The following TCF7L2 variants were observed in gnomAD, a reference collection of about 807,000 sequenced individuals.
The protein encoded by TCF7L2 is transcription factor 7 like 2.
TCF7L2 carries 23 observed loss-of-function variants against 77.9 expected under a neutral mutation model. The observed-to-expected ratio is 0.30, with a 90% CI of 0.21 to 0.42. The LOEUF (loss-of-function observed/expected upper bound fraction) is 0.42, where lower values mean the gene tolerates loss of function less well. Among genes scored for constraint, TCF7L2 ranks in the 10% least tolerant of loss-of-function variants. The probability of loss-of-function intolerance (pLI) is 1.00; values close to 1 mark genes in which losing one functional copy is unlikely to be tolerated. For missense variants in TCF7L2, 654 were observed against 793.1 expected (o/e 0.82, Z 2.11); for synonymous variants, 413 against 340.2 (o/e 1.21, Z -2.36).
rs3830991 is a variant in TCF7L2 at position 113,144,100 on chromosome 10, C to CTGTG, written c.788+109_788+112dup. 6.7e-3 allele frequency: 4,369 copies of CTGTG among 652,984 alleles called. 86 individuals are homozygous for CTGTG. The highest frequency in any genetic ancestry group is 0.058 in the African/African-American group (2,934 of 50,378). The allele number at this position is 652,984 out of a possible 1,614,324, so 40.4% of individuals were successfully genotyped here. A position where few individuals can be genotyped will look rare whatever the true frequency, so the allele number is the denominator to read the frequency against. On this transcript the variant is annotated intron_variant, in intron 7 of 13. Coordinates refer to ENST00000627217, the MANE Select transcript of TCF7L2 (RefSeq NM_001146274.2). Reference sequence around the variant, plus strand: ...TTTATTATTTATTCTGTGTGTGTGTCTGTGTGTGTGTGTGTGTGTGTGTGT... The same window carrying CTGTG: ...TTTATTATTTATTCTGTGTGTGTGTCTGTGTGTGTGTGTGTGTGTGTGTGTGTGT...
intron 3 of TCF7L2, among the ~76,000 whole-genome samples, chr10:112,958,772 A>C (rs2034332484): frequency 6.6e-6 from 1 of 152,134 alleles, no homozygotes; most frequent in Non-Finnish European, 1.5e-5. Flanking sequence ...AATAAAAGGC[A>C]CTATGTTGTT....
chr10:113,017,403 T>A (rs1451538453), intron 4 of TCF7L2, among the ~76,000 whole-genome samples: 1 of 152,182 alleles, frequency 6.6e-6, no homozygotes, highest in Non-Finnish European at 1.5e-5. Context: ...GAGCTCAGCA[T>A]CCCATGTGCC....
intron 5 of TCF7L2, among the ~76,000 whole-genome samples, chr10:113,070,264 A>T (rs1564851111): frequency 6.1e-5 from 3 of 49,582 alleles, no homozygotes; most frequent in African/African-American, 3.1e-4. Context: ...TAAAAAAAAA[A>T]AAATTTATAT....
At chr10:113,053,122 T>C (rs1024935133) in intron 5 of TCF7L2, among the ~76,000 whole-genome samples, 1 of 152,006 alleles carries the variant, frequency 6.6e-6, no homozygotes, top group African/African-American at 2.4e-5. Context: ...ATTTGAAAAA[T>C]GTAACCCATT....
intron 4 of TCF7L2, among the ~76,000 whole-genome samples, 181 bp downstream of exon 4, chr10:112,964,805 G>GTGATGGTGGTGGTGGTGGTGA (rs1564719276): frequency 1.5e-5 from 2 of 133,766 alleles, no homozygotes; most frequent in Non-Finnish European, 1.5e-5. Context: ...GGTGGTGGTG[G>GTGATGGTGGTGGTGGTGGTGA]TGGTGGTGGG....
At chr10:113,111,038 CT>C (rs60667705) in intron 5 of TCF7L2, among the ~76,000 whole-genome samples, 59,234 of 145,870 alleles carry the variant, frequency 0.41, 12,182 homozygotes, top group Middle Eastern at 0.55. Flanking sequence ...TTTGGGATTC[CT>C]TTTTTTTTTT....
chr10:113,069,214 A>G lies in TCF7L2; in HGVS notation c.552+29088A>G, dbSNP rs191605884. On this transcript the variant is annotated intron_variant, in intron 5 of 13. Coordinates refer to ENST00000627217, the MANE Select transcript of TCF7L2 (RefSeq NM_001146274.2). ...TTGTGTCCAGCTCAGAGGGTGCAACAGTGTCTGTAACTCATATTCTTTTTT... is the reference window on the plus strand; with the variant it reads ...TTGTGTCCAGCTCAGAGGGTGCAACGGTGTCTGTAACTCATATTCTTTTTT... Among the ~76,000 whole-genome samples, 4 of 149,718 alleles carry G rather than the reference A, an allele frequency of 2.7e-5. No homozygotes were observed. The East Asian group carries it at 7.8e-4, about 29-fold the overall frequency.
intron 5 of TCF7L2, chr10:113,126,835 C>T: frequency 3.0e-6 from 3 of 987,004 alleles, no homozygotes; most frequent in Non-Finnish European, 3.6e-6. Context: ...GGCAGCATGC[C>T]CGCGAGCCGG....
intron 5 of TCF7L2, among the ~76,000 whole-genome samples, chr10:113,132,552 G>A (rs1253427212): frequency 1.3e-5 from 2 of 151,992 alleles, no homozygotes; most frequent in Non-Finnish European, 2.9e-5. Flanking sequence ...GCGAGGGGGT[G>A]GTCTGGAAAT....
At chr10:113,029,848 C>G (rs1363382060) in intron 4 of TCF7L2, among the ~76,000 whole-genome samples, 1 of 152,044 alleles carries the variant, frequency 6.6e-6, no homozygotes, top group Non-Finnish European at 1.5e-5. Flanking sequence ...CCTTTTATCT[C>G]TTAAATGAAT....
chr10:113,074,569 G>A (rs1338188037), intron 5 of TCF7L2, among the ~76,000 whole-genome samples: 2 of 152,168 alleles, frequency 1.3e-5, no homozygotes, highest in Non-Finnish European at 2.9e-5. Context: ...GCTGACGGCT[G>A]CACACTCATC....
At chr10:113,142,798 T>C (rs2068614296) in intron 6 of TCF7L2, among the ~76,000 whole-genome samples, 1 of 152,218 alleles carries the variant, frequency 6.6e-6, no homozygotes, top group Non-Finnish European at 1.5e-5. Context: ...TAAATGGTTA[T>C]CGTAAAACAT....
chr10:112,976,768 G>A (rs536144851), intron 4 of TCF7L2, among the ~76,000 whole-genome samples: 297 of 152,224 alleles, frequency 2.0e-3, no homozygotes, highest in Non-Finnish European at 3.5e-3. Context: ...ATGAGTGTTC[G>A]ACCACTTTGT....
At chr10:113,095,033 G>A (rs2060803295) in intron 5 of TCF7L2, among the ~76,000 whole-genome samples, 1 of 152,170 alleles carries the variant, frequency 6.6e-6, no homozygotes, top group African/African-American at 2.4e-5. Flanking sequence ...TTGAACCTGG[G>A]AGGCAGAGAT....
chr10:113,008,493 A>G (rs1409012780), intron 4 of TCF7L2, among the ~76,000 whole-genome samples: 1 of 152,192 alleles, frequency 6.6e-6, no homozygotes, highest in Non-Finnish European at 1.5e-5. Flanking sequence ...GTGGCTTCTC[A>G]AGCATCCCTT....
chr10:112,984,998 A>G (rs372265685), intron 4 of TCF7L2, among the ~76,000 whole-genome samples: 3 of 152,240 alleles, frequency 2.0e-5, no homozygotes, highest in African/African-American at 7.2e-5. Context: ...TGCCTGTGGG[A>G]CCGCCCTGAG....
intron 5 of TCF7L2, among the ~76,000 whole-genome samples, chr10:113,102,427 G>GTTTTT (rs759557227): frequency 7.1e-6 from 1 of 141,514 alleles, no homozygotes; most frequent in Non-Finnish European, 1.6e-5. Context: ...TTGTTTGTTT[G>GTTTTT]TTTTTTTTTT....
chr10:112,951,311 C>A (rs1395297312), intron 2 of TCF7L2, 38 bp downstream of exon 2: 3 of 1,075,024 alleles, frequency 2.8e-6, no homozygotes. Context: ...CGCCCGGAGC[C>A]GCCCCCCGGG....
intron 3 of TCF7L2, among the ~76,000 whole-genome samples, chr10:112,957,746 C>T (rs1198999255): frequency 2.0e-5 from 3 of 152,134 alleles, no homozygotes; most frequent in African/African-American, 7.2e-5. Flanking sequence ...GATGTGTTTC[C>T]TATCAGTTAC....
Sources: allele counts gnomAD v4.1 joint callset (sites outside exome capture counted in the v4.1 genomes callset), GRCh38; gene constraint gnomAD v4.1.1; transcripts MANE v1.5; gene names NCBI Gene and HGNC (gene_info 2026-07-23, HGNC 2026-07-21).